The following AIDA variants were observed in gnomAD, a reference collection of about 807,000 sequenced individuals.
AIDA encodes the protein axin interactor, dorsalization associated, also known as axin interactor, dorsalization-associated protein.
Under a neutral mutation model 42.7 loss-of-function variants are expected in AIDA, and 18 were observed. The observed-to-expected ratio is 0.42, with a 90% CI of 0.29 to 0.63. The LOEUF is 0.63. AIDA is among the 20% of genes least tolerant of loss of function. The probability of loss-of-function intolerance (pLI) is 0.19; values close to 1 mark genes in which losing one functional copy is unlikely to be tolerated. For synonymous variants in AIDA, 104 were observed against 122.9 expected (o/e 0.85, Z 1.02); for missense variants, 250 against 354.1 (o/e 0.71, Z 2.36).
rs749290037 is a variant in AIDA, at chr1:222,673,332, A to T, written c.687T>A (p.His229Gln). Residue 229 changes from histidine to glutamine, a missense_variant, in exon 8 of 10, where the codon CAT (histidine) becomes CAA (glutamine). This residue lies in a region of AIDA where 199 missense variants were observed against 232.6 expected (regional missense o/e 0.86). Transcript: ENST00000340020. Reference protein sequence around the residue: ...HFNVDIELQKHVEKLTKGAAI... With the variant: ...HFNVDIELQKQVEKLTKGAAI... ...ACAAACCTTTGGTTAATTTTTCAAC[A>T]TGCTTCTGGAGCTCAATGTCCACAT... The T allele has an allele frequency of 1.2e-6, 2 of 1,605,410 alleles. No homozygotes were observed. The highest frequency in any genetic ancestry group is 2.3e-5 in the South Asian group (2 of 88,824).
chr1:222,690,072 G>A (rs553120499), intron 4 of AIDA, among the ~76,000 whole-genome samples: 58 of 152,256 alleles, frequency 3.8e-4, no homozygotes, highest in African/African-American at 1.3e-3. Flanking sequence ...TGTAGCCTAG[G>A]AGCAATAGGC....
chr1:222,688,729 A>G (rs2124957979), intron 4 of AIDA, among the ~76,000 whole-genome samples: 1 of 152,148 alleles, frequency 6.6e-6, no homozygotes, highest in African/African-American at 2.4e-5. Context: ...CTTCCCGAGT[A>G]GCTAGGATTA....
At chr1:222,690,689 C>CA (rs1655346423) in intron 4 of AIDA, among the ~76,000 whole-genome samples, 1 of 24,824 alleles carries the variant, frequency 4.0e-5, no homozygotes, top group Admixed American at 4.9e-4. Context: ...TGTATATAAT[C>CA]TTATAATATA....
At chr1:222,709,528 G>A (rs1655936598) in intron 1 of AIDA, among the ~76,000 whole-genome samples, 1 of 152,200 alleles carries the variant, frequency 6.6e-6, no homozygotes, top group Admixed American at 6.5e-5. Flanking sequence ...GGGAGCAGGA[G>A]GTGTGAAACT....
At chr1:222,700,958 TC>T in intron 2 of AIDA, among the ~76,000 whole-genome samples, 1 of 129,540 alleles carries the variant, frequency 7.7e-6, no homozygotes, top group Non-Finnish European at 1.6e-5. Flanking sequence ...TAGACTCATT[TC>T]TTGATTTTTT....
chr1:222,711,972 G>A, intron 1 of AIDA: 1 of 532,278 alleles, frequency 1.9e-6, no homozygotes, highest in South Asian at 2.2e-5. Flanking sequence ...CCTGTTGAAT[G>A]GAACTGTCCC....
Position 222,712,199 on chromosome 1 carries a change from G to C in AIDA, c.110+9C>G. The C allele has an allele frequency of 1.3e-6, 2 of 1,596,512 alleles. No individual in the cohort carries two copies. Among genetic ancestry groups the C allele is most frequent in the Non-Finnish European group, 1.7e-6 (2 of 1,170,768 alleles). On this transcript the variant is annotated intron_variant, in intron 1 of 9. Transcript: ENST00000340020. ...CCGGTCTGGCCTGCTCCCGCGGTTAGTCACTCACATCTGATACTCGTCTAT... is the reference window on the plus strand; with the variant it reads ...CCGGTCTGGCCTGCTCCCGCGGTTACTCACTCACATCTGATACTCGTCTAT...
At chr1:222,685,193 G>A (rs373474150) in intron 6 of AIDA, among the ~76,000 whole-genome samples, 4 of 152,184 alleles carry the variant, frequency 2.6e-5, no homozygotes, top group South Asian at 2.1e-4. Context: ...CATGTAGAGA[G>A]GATGACAAGC....
chr1:222,694,520 G>A lies in AIDA; in HGVS notation c.181-257C>T, dbSNP rs148556207. On this transcript the variant is annotated intron_variant, in intron 2 of 9. Transcript: ENST00000340020. ...CTAAATCAAGTTTGCTTTGATGACA[G>A]CTGTAGATATGATTTAAAGGGCTGC... is the stretch of plus-strand genomic sequence containing the variant. 1.6e-3 allele frequency among the ~76,000 whole-genome samples: 247 copies of A among 152,260 alleles called. 1 individual carries two copies. The highest frequency in any genetic ancestry group is 5.4e-3 in the African/African-American group (223 of 41,560).
chr1:222,679,199 T>A (rs967652400), intron 6 of AIDA, among the ~76,000 whole-genome samples: 1 of 152,068 alleles, frequency 6.6e-6, no homozygotes, highest in Non-Finnish European at 1.5e-5. Context: ...ATGAAAAAGT[T>A]AACATATTTG....
chr1:222,693,745 T>G (rs762958306), intron 4 of AIDA, 44 bp downstream of exon 4: 43 of 1,463,410 alleles, frequency 2.9e-5, no homozygotes, highest in Non-Finnish European at 4.1e-5. Context: ...CAATAGATTA[T>G]TTTTCCAAAG....
chr1:222,670,290 C>T, intron 8 of AIDA, 40 bp from the exon 9 acceptor site: 2 of 1,503,982 alleles, frequency 1.3e-6, no homozygotes, highest in South Asian at 1.2e-5. Flanking sequence ...ACAGATAGCA[C>T]ATTTCTTGTG....
At chr1:222,689,538 CACAT>C (rs1249083646) in intron 4 of AIDA, among the ~76,000 whole-genome samples, 8 of 100,736 alleles carry the variant, frequency 7.9e-5, no homozygotes, top group Admixed American at 2.0e-4. Flanking sequence ...TACACACACA[CACAT>C]ATATATACAT....
intron 8 of AIDA, among the ~76,000 whole-genome samples, chr1:222,671,816 T>C (rs879419548): frequency 7.4e-4 from 113 of 152,312 alleles, no homozygotes; most frequent in Admixed American, 4.1e-3. Context: ...AAACCAAAGA[T>C]TTTAAAGACA....
intron 1 of AIDA, among the ~76,000 whole-genome samples, chr1:222,710,617 G>C (rs1162099668): frequency 2.0e-5 from 3 of 152,176 alleles, no homozygotes; most frequent in Non-Finnish European, 4.4e-5. Flanking sequence ...ATGGAAGGGT[G>C]TGTTCTCCAG....
intron 2 of AIDA, among the ~76,000 whole-genome samples, chr1:222,696,308 C>G (rs73124876): frequency 6.6e-6 from 1 of 152,136 alleles, no homozygotes; most frequent in Non-Finnish European, 1.5e-5. Context: ...TATTCAAACA[C>G]GCCACTCAAT....
chr1:222,693,365 T>A (rs1341195368), intron 4 of AIDA, among the ~76,000 whole-genome samples: 1 of 152,122 alleles, frequency 6.6e-6, no homozygotes, highest in East Asian at 1.9e-4. Flanking sequence ...CAAAAGAGTT[T>A]TAAGGAGAAA....
intron 3 of AIDA, 58 bp downstream of exon 3, chr1:222,694,152 T>C: frequency 6.9e-7 from 1 of 1,449,634 alleles, no homozygotes; most frequent in Non-Finnish European, 9.5e-7. Context: ...TAATGTTTTA[T>C]CACAATAATG....
intron 2 of AIDA, among the ~76,000 whole-genome samples, chr1:222,699,443 A>G (rs1643248528): frequency 6.6e-6 from 1 of 152,258 alleles, no homozygotes; most frequent in Admixed American, 6.5e-5. Context: ...ACTGGACTCA[A>G]TGAAATGTTC....
Sources: allele counts gnomAD v4.1 joint callset (sites outside exome capture counted in the v4.1 genomes callset), GRCh38; gene constraint gnomAD v4.1.1; regional missense constraint gnomAD v4.1.1; transcripts MANE v1.5; gene names NCBI Gene and HGNC (gene_info 2026-07-23, HGNC 2026-07-21).